KDM5A: variants seen among roughly 807,000 people sequenced by gnomAD.
KDM5A encodes the protein lysine-specific demethylase 5A.
KDM5A carries 42 observed loss-of-function variants against 193.5 expected under a neutral mutation model. The observed-to-expected ratio is 0.22, with a 90% CI of 0.17 to 0.28. The LOEUF is 0.28. KDM5A is among the 10% of genes least tolerant of loss of function. The pLI, the probability that KDM5A is intolerant of heterozygous loss-of-function variation, is 1.00. For missense variants in KDM5A, 1,692 were observed against 2,055.1 expected, an observed-to-expected ratio of 0.82 and a Z score of 3.42; for synonymous variants, 796 against 718.1, an observed-to-expected ratio of 1.11 and a Z score of -1.73.
In KDM5A at chr12:292,813, A is replaced by C. The variant is rs780666658; in HGVS notation, c.4812T>G (p.Asp1604Glu). 1 of 1,614,198 alleles carries C rather than the reference A, an allele frequency of 6.2e-7. No individual in the cohort carries two copies. The highest frequency in any genetic ancestry group is 1.7e-5 in the Admixed American group (1 of 60,020). Residue 1604 changes from aspartate (D) to glutamate (E), a missense_variant, in exon 27 of 28, where the codon GAT becomes GAG. Transcript: ENST00000399788. ...GTGCTGCGCACACAGCATTCTCATCATCAGACTCCTCTGCTCCTGACCAGT... is the reference window on the plus strand; with the variant it reads ...GTGCTGCGCACACAGCATTCTCATCCTCAGACTCCTCTGCTCCTGACCAGT... ...KYDWSGAEES[D>E]DENAVCAAQN...
chr12:341,055 G>T (rs1943997836), intron 10 of KDM5A, among the ~76,000 whole-genome samples: 1 of 152,052 alleles, frequency 6.6e-6, no homozygotes, highest in Admixed American at 6.5e-5. Context: ...AGTTACTTAG[G>T]GTTGATACAA....
chr12:353,022 C>G (rs1243591581), intron 8 of KDM5A, among the ~76,000 whole-genome samples: 1 of 152,134 alleles, frequency 6.6e-6, no homozygotes, highest in East Asian at 1.9e-4. Context: ...AAATTTAGCA[C>G]AGTCAAGTAA....
intron 3 of KDM5A, among the ~76,000 whole-genome samples, chr12:368,232 A>G (rs993930767): frequency 3.3e-5 from 5 of 152,246 alleles, no homozygotes; most frequent in Admixed American, 6.5e-5. Flanking sequence ...GACAGAAAGC[A>G]TAATAGAAGT....
At chr12:302,021 G>C (rs578246908) in intron 24 of KDM5A, among the ~76,000 whole-genome samples, 2 of 152,306 alleles carry the variant, frequency 1.3e-5, no homozygotes, top group East Asian at 3.9e-4. Context: ...CGAAATAAAA[G>C]AGGATACAAA....
At chr12:347,441 G>C (rs927248975) in intron 10 of KDM5A, among the ~76,000 whole-genome samples, 3 of 152,126 alleles carry the variant, frequency 2.0e-5, no homozygotes, top group African/African-American at 7.2e-5. Context: ...CCAAAAAAGA[G>C]CCCGCATTGC....
Position 321,120 on chromosome 12 carries a change from A to G in KDM5A, c.2427-11T>C, listed in dbSNP as rs1565533035. ...CTATCTGGGCTCTGTCTGATGTGAA[A>G]TAATATTGAGATATAAGTAAGAAAA... On this transcript the variant is annotated splice_polypyrimidine_tract_variant and intron_variant, in intron 17 of 27. Coordinates refer to ENST00000399788, the MANE Select transcript of KDM5A (RefSeq NM_001042603.3). The G allele has an allele frequency of 1.9e-6, 3 of 1,577,000 alleles. No homozygotes were observed. Among genetic ancestry groups the G allele is most frequent in the Non-Finnish European group, 2.6e-6 (3 of 1,146,212 alleles).
In KDM5A at chr12:295,598, T is replaced by G; in HGVS notation, c.4430A>C (p.Glu1477Ala). 1 of 1,614,112 alleles carries G rather than the reference T, an allele frequency of 6.2e-7. No homozygotes were observed. Among genetic ancestry groups the G allele is most frequent in the South Asian group, 1.1e-5 (1 of 91,080 alleles). The change falls in exon 26 of 28, where the codon GAA becomes GCA. Residue 1477 changes from glutamate (E) to alanine (A), a missense_variant. By Grantham distance (107) the Glu-to-Ala change is moderately radical. Transcript: ENST00000399788. ...RILQATHPPS[E>A]DRFLHIMEDD... is the part of the protein sequence containing the mutation. ...CTCCATGATATGCAAGAATCTGTCT[T>G]CAGAGGGTGGGTGTGTGGCCTGCAA...
At chr12:377,308 A>G (rs899964302) in intron 3 of KDM5A, among the ~76,000 whole-genome samples, 31 of 152,216 alleles carry the variant, frequency 2.0e-4, no homozygotes, top group Admixed American at 1.8e-3. Context: ...AAGAGAAAAA[A>G]TAAGTACACA....
At position 318,216 on chromosome 12, in the gene KDM5A, C is replaced by T. The variant is rs1375087724; in HGVS notation, c.2787G>A (p.Gly929=). 1.2e-6 allele frequency: 2 copies of T among 1,614,006 alleles called. No homozygotes were observed. Among genetic ancestry groups the T allele is most frequent in the East Asian group, 4.5e-5 (2 of 44,886 alleles). The change falls in exon 19 of 28, where the codon GGG becomes GGA. Residue 929 remains glycine (G), a synonymous_variant. Transcript: ENST00000399788. ...CAGCATGGTGGGGTGCCAACCCTAC[C>T]CCAGAGTCTATCAGCTTCTTCATGA... ...LDVMKKLIDS[G]VGLAPHHAVE...
At chr12:385,807 G>A (rs746835092) in intron 2 of KDM5A, 90 bp downstream of exon 2, 48 of 916,174 alleles carry the variant, frequency 5.2e-5, no homozygotes, top group Non-Finnish European at 8.0e-5. Context: ...CAAACTCTAG[G>A]CTGTGGTACA....
chr12:318,275 T>C lies in KDM5A; in HGVS notation c.2728A>G (p.Thr910Ala), dbSNP rs2137403755. The change falls in exon 19 of 28, where the codon ACC becomes GCC. Residue 910 changes from threonine (T) to alanine (A), a missense_variant. Around this residue, in one of 11 missense-constraint regions of KDM5A, gnomAD observed 965 missense variants for 1,061.0 expected, o/e 0.91. Coordinates refer to ENST00000399788, the MANE Select transcript of KDM5A (RefSeq NM_001042603.3). ...QARWLDEVRL[T>A]LSDPQQVTLD... Reference sequence around the variant, plus strand: ...GTGACTTGTTGCGGATCTGATAAGGTCAGTCTTACTTCGTCCAACCACCGA... The same window carrying C: ...GTGACTTGTTGCGGATCTGATAAGGCCAGTCTTACTTCGTCCAACCACCGA... 2 of 1,614,158 alleles carry C rather than the reference T, an allele frequency of 1.2e-6. No individual in the cohort carries two copies. The highest frequency in any genetic ancestry group is 1.7e-6 in the Non-Finnish European group (2 of 1,180,028).
intron 27 of KDM5A, among the ~76,000 whole-genome samples, chr12:291,041 T>G (rs140712336): frequency 7.9e-5 from 12 of 152,288 alleles, no homozygotes; most frequent in Non-Finnish European, 1.6e-4. Flanking sequence ...ATCAGCCTCT[T>G]TAACAAACAA....
chr12:382,807 C>CT (rs1472487091), intron 3 of KDM5A, among the ~76,000 whole-genome samples: 1 of 151,966 alleles, frequency 6.6e-6, no homozygotes, highest in Admixed American at 6.6e-5. Flanking sequence ...TGGCACATGC[C>CT]TGTAATCCCA....
intron 10 of KDM5A, among the ~76,000 whole-genome samples, chr12:347,581 C>A (rs1413721996): frequency 1.3e-5 from 2 of 152,148 alleles, no homozygotes; most frequent in African/African-American, 4.8e-5. Flanking sequence ...ACCAATGGAA[C>A]AGAACAGAGC....
At chr12:323,896 G>T in intron 14 of KDM5A, 115 bp from the exon 15 acceptor site, 1 of 825,988 alleles carries the variant, frequency 1.2e-6, no homozygotes, top group Non-Finnish European at 2.1e-6. Context: ...GTATAAACAT[G>T]AAAGGTACAA....
At chr12:320,608 GATAC>G (rs1351507976) in intron 18 of KDM5A, among the ~76,000 whole-genome samples, 1 of 151,838 alleles carries the variant, frequency 6.6e-6, no homozygotes, top group Non-Finnish European at 1.5e-5. Context: ...TAATATATTT[GATAC>G]ATACTTTTAA....
intron 24 of KDM5A, among the ~76,000 whole-genome samples, chr12:302,178 A>T (rs1238478488): frequency 6.6e-6 from 1 of 152,194 alleles, no homozygotes; most frequent in Non-Finnish European, 1.5e-5. Flanking sequence ...ACTACTTTGA[A>T]TTTCATATGG....
rs1220110418 is a variant in KDM5A, at chr12:388,990, G to A, written c.102C>T (p.Ser34=). ...PSWEEFTDPL[S]FIGRIRPLAE... is the part of the protein sequence containing the mutation. ...CCAAAGGCCGGATGCGGCCGATAAAGCTGAGCGGATCTGTGAACTCCTCCC... is the reference window on the plus strand; with the variant it reads ...CCAAAGGCCGGATGCGGCCGATAAAACTGAGCGGATCTGTGAACTCCTCCC... Residue 34 remains serine, a synonymous_variant, in exon 1 of 28, where the codon AGC becomes AGT. Transcript: ENST00000399788. The A allele has an allele frequency of 1.9e-6, 3 of 1,614,076 alleles. No individual in the cohort carries two copies. The Admixed American group carries it at 5.0e-5, about 27-fold the overall frequency.
At chr12:371,639 G>A (rs1055950990) in intron 3 of KDM5A, among the ~76,000 whole-genome samples, 3 of 152,144 alleles carry the variant, frequency 2.0e-5, no homozygotes, top group African/African-American at 7.2e-5. Context: ...TTTGGCTTTT[G>A]TTGCCATTGC....
Sources: gnomAD v4.1 joint callset for allele counts (sites outside exome capture counted in the v4.1 genomes callset) on GRCh38, gnomAD v4.1.1 for gene constraint, gnomAD v4.1.1 regional missense constraint, MANE v1.5 for transcripts, NCBI Gene and HGNC (gene_info 2026-07-23, HGNC 2026-07-21) for gene names.